The following CNTN5 variants were observed in gnomAD, a reference collection of about 807,000 sequenced individuals.
The protein encoded by CNTN5 is contactin 5, also known as contactin-5.
A neutral mutation model predicts 129.1 loss-of-function variants in CNTN5; 77 were observed. The observed-to-expected ratio is 0.60, with a 90% CI of 0.50 to 0.72. The LOEUF is 0.72. CNTN5 is among the 30% of genes least tolerant of loss of function. The probability of loss-of-function intolerance (pLI) is 0.00; values close to 1 mark genes in which losing one functional copy is unlikely to be tolerated. For missense variants in CNTN5, 1,478 were observed against 1,328.8 expected, an observed-to-expected ratio of 1.11 and a Z score of -1.75; for synonymous variants, 509 against 465.6, an observed-to-expected ratio of 1.09 and a Z score of -1.20.
intron 9 of CNTN5, among the ~76,000 whole-genome samples, chr11:100,041,115 G>A (rs1942355509): frequency 2.0e-5 from 3 of 152,172 alleles, no homozygotes; most frequent in South Asian, 2.1e-4. Context: ...GGCCATCTTG[G>A]CTCCTCCCTT....
rs142921080 is a variant in CNTN5 at position 99,809,056 on chromosome 11, C to T, written c.56-10488C>T. On this transcript the variant is annotated intron_variant, in intron 3 of 24. Coordinates refer to ENST00000524871, the MANE Select transcript of CNTN5 (RefSeq NM_014361.4). ...GAAGACACAACTTCCTTTGTCCCTA[C>T]CATCTTGTTTACAGACACACATCTG... Among the ~76,000 whole-genome samples, 157 of 152,290 alleles carry T rather than the reference C, an allele frequency of 1.0e-3. 2 individuals carry two copies. Among genetic ancestry groups the T allele is most frequent in the African/African-American group, 3.6e-3 (150 of 41,576 alleles).
At chr11:99,686,339 G>A (rs1419897918) in intron 3 of CNTN5, among the ~76,000 whole-genome samples, 1 of 151,352 alleles carries the variant, frequency 6.6e-6, no homozygotes, top group Non-Finnish European at 1.5e-5. Flanking sequence ...TCTTTTTTTT[G>A]TCTAAAATAA....
chr11:100,136,550 CATT>C (rs1305912056), intron 13 of CNTN5, among the ~76,000 whole-genome samples: 1 of 151,826 alleles, frequency 6.6e-6, no homozygotes, highest in Non-Finnish European at 1.5e-5. Flanking sequence ...TAATAATTGA[CATT>C]AATCAATCTA....
intron 7 of CNTN5, among the ~76,000 whole-genome samples, chr11:99,922,514 C>T (rs182619180): frequency 6.6e-5 from 10 of 152,256 alleles, no homozygotes; most frequent in East Asian, 1.9e-4. Context: ...TAACCTGATA[C>T]GTGCTAGAAA....
At position 99,696,409 on chromosome 11, in the gene CNTN5, A is replaced by G. The variant is rs371955579; in HGVS notation, c.56-123135A>G. Among the ~76,000 whole-genome samples the G allele has an allele frequency of 3.9e-5, 6 of 152,178 alleles. No individual in the cohort carries two copies. The South Asian group carries it at 1.2e-3, about 31-fold the overall frequency. ...GATGAGATAGAGTATTTTTATTTGG[A>G]AAGTCCTCAGCAAGACAAATTAGCC... On this transcript the variant is annotated intron_variant, in intron 3 of 24. Transcript: ENST00000524871.
At chr11:99,559,249 C>G (rs1302666536) in intron 3 of CNTN5, among the ~76,000 whole-genome samples, 1 of 152,100 alleles carries the variant, frequency 6.6e-6, no homozygotes, top group Non-Finnish European at 1.5e-5. Flanking sequence ...GCACATTTTA[C>G]GTTGTTGGTG....
intron 1 of CNTN5, among the ~76,000 whole-genome samples, chr11:99,172,433 C>A (rs910042111): frequency 8.5e-5 from 13 of 152,052 alleles, no homozygotes; most frequent in African/African-American, 3.1e-4. Flanking sequence ...ATGTATTGCA[C>A]CTTTTGATGA....
chr11:100,161,074 T>C (rs1947429510), intron 13 of CNTN5, among the ~76,000 whole-genome samples: 1 of 151,964 alleles, frequency 6.6e-6, no homozygotes, highest in African/African-American at 2.4e-5. Flanking sequence ...GAATATTTCA[T>C]GCAATTGTGT....
intron 1 of CNTN5, among the ~76,000 whole-genome samples, chr11:99,216,337 T>C (rs1860114291): frequency 6.6e-6 from 1 of 152,152 alleles, no homozygotes; most frequent in Admixed American, 6.5e-5. Context: ...TTTCATTCTT[T>C]TTTAGGGTAG....
intron 2 of CNTN5, among the ~76,000 whole-genome samples, chr11:99,453,133 A>G (rs1168385020): frequency 6.6e-6 from 1 of 152,194 alleles, no homozygotes; most frequent in Non-Finnish European, 1.5e-5. Context: ...TAGCACTAAA[A>G]AGTACTCTAG....
At chr11:100,029,334 G>A (rs935710661) in intron 9 of CNTN5, among the ~76,000 whole-genome samples, 4 of 152,172 alleles carry the variant, frequency 2.6e-5, no homozygotes, top group African/African-American at 9.7e-5. Flanking sequence ...TGTAATCCCA[G>A]CACTTTGGGA....
chr11:100,156,335 C>T (rs1040187679), intron 13 of CNTN5, among the ~76,000 whole-genome samples: 5 of 152,162 alleles, frequency 3.3e-5, no homozygotes, highest in Admixed American at 6.6e-5. Flanking sequence ...ACCAGCCCTG[C>T]ATCCCAGGGA....
intron 3 of CNTN5, among the ~76,000 whole-genome samples, chr11:99,681,942 C>A (rs1953573637): frequency 6.6e-6 from 1 of 151,932 alleles, no homozygotes; most frequent in Admixed American, 6.6e-5. Flanking sequence ...CTGTAGACTT[C>A]TCAGGAATAA....
At chr11:99,579,814 C>T (rs1949506886) in intron 3 of CNTN5, among the ~76,000 whole-genome samples, 1 of 150,890 alleles carries the variant, frequency 6.6e-6, no homozygotes, top group Non-Finnish European at 1.5e-5. Flanking sequence ...TAATTGAATG[C>T]CCTTTATTCC....
chr11:99,067,501 T>C lies in CNTN5; in HGVS notation c.-210+46231T>C, dbSNP rs568813939. 3.6e-4 allele frequency among the ~76,000 whole-genome samples: 54 copies of C among 151,822 alleles called. No individual in the cohort carries two copies. In the South Asian group the frequency reaches 9.0e-3, roughly 25 times the overall value. ...AATGGCTGAAGTGTCATCTTTGTCA[T>C]TGAAATGCAAGAATATATGTGTGGC... On this transcript the variant is annotated intron_variant, in intron 1 of 24. Transcript: ENST00000524871.
At chr11:99,975,972 C>T (rs1289478402) in intron 8 of CNTN5, among the ~76,000 whole-genome samples, 1 of 152,006 alleles carries the variant, frequency 6.6e-6, no homozygotes, top group Non-Finnish European at 1.5e-5. Flanking sequence ...CCTAGGAGCC[C>T]GTGAAATAAA....
At chr11:99,389,615 C>T (rs904241879) in intron 2 of CNTN5, among the ~76,000 whole-genome samples, 6 of 152,126 alleles carry the variant, frequency 3.9e-5, no homozygotes, top group Non-Finnish European at 8.8e-5. Flanking sequence ...CACAAACATG[C>T]ACACAGGCAC....
chr11:99,691,977 A>G (rs1954057336), intron 3 of CNTN5, among the ~76,000 whole-genome samples: 1 of 151,278 alleles, frequency 6.6e-6, no homozygotes, highest in African/African-American at 2.4e-5. Flanking sequence ...GTTGAATTGA[A>G]CCCTTTACCA....
chr11:99,134,234 A>G (rs78193872), intron 1 of CNTN5, among the ~76,000 whole-genome samples: 2,966 of 152,136 alleles, frequency 0.019, 107 homozygotes, highest in African/African-American at 0.068. Context: ...GGAGAACTAC[A>G]TACACTGGAA....
Sources: gnomAD v4.1 joint callset for allele counts (sites outside exome capture counted in the v4.1 genomes callset) on GRCh38, gnomAD v4.1.1 for gene constraint, MANE v1.5 for transcripts, NCBI Gene and HGNC (gene_info 2026-07-23, HGNC 2026-07-21) for gene names.